Variants in ADGRL3 observed in about 807,000 individuals in gnomAD.
ADGRL3 encodes the protein calcium-independent alpha-latrotoxin receptor 3.
In ADGRL3, 62 loss-of-function variants were observed where a neutral mutation model predicts 153.5. The ratio of observed to expected loss-of-function variants is 0.40; its 90% CI spans 0.33 to 0.50. The LOEUF (loss-of-function observed/expected upper bound fraction) is 0.50. Ranked by LOEUF, ADGRL3 falls within the 20% of genes least tolerant of loss-of-function variation. ADGRL3 has a pLI of 0.47. For missense variants in ADGRL3, 1,641 were observed against 1,859.4 expected (o/e 0.88, Z 2.16); for synonymous variants, 710 against 672.5 (o/e 1.06, Z -0.86).
intron 2 of ADGRL3, among the ~76,000 whole-genome samples, chr4:61,478,520 G>A (rs1409575776): frequency 2.0e-5 from 3 of 152,036 alleles, no homozygotes; most frequent in African/African-American, 7.2e-5. Flanking sequence ...TAGATTAACT[G>A]TTTTAATCAC....
chr4:61,208,720 G>A (rs1311647311), intron 1 of ADGRL3, among the ~76,000 whole-genome samples: 1 of 152,116 alleles, frequency 6.6e-6, no homozygotes, highest in Non-Finnish European at 1.5e-5. Flanking sequence ...GAATGTGAAT[G>A]CCCAATTAAA....
intron 1 of ADGRL3, among the ~76,000 whole-genome samples, chr4:61,354,580 G>GTA (rs1346751906): frequency 6.6e-6 from 1 of 150,960 alleles, no homozygotes; most frequent in African/African-American, 2.5e-5. Context: ...TTGTCTGTGT[G>GTA]TGTGTGTGTG....
chr4:61,223,627 T>A (rs969734912), intron 1 of ADGRL3, among the ~76,000 whole-genome samples: 1 of 152,222 alleles, frequency 6.6e-6, no homozygotes, highest in African/African-American at 2.4e-5. Context: ...CAACCTATAT[T>A]TGATTTTTAT....
intron 8 of ADGRL3, among the ~76,000 whole-genome samples, chr4:61,808,686 T>C (rs1485457456): frequency 6.6e-6 from 1 of 152,020 alleles, no homozygotes; most frequent in East Asian, 1.9e-4. Context: ...GCTAGGCATG[T>C]CCAATTTTCC....
At position 61,947,112 on chromosome 4, in the gene ADGRL3, A is replaced by G. The variant is rs746337427; in HGVS notation, c.2618A>G (p.Lys873Arg). The stretch of plus-strand genomic sequence containing the variant: ...GCTGATCCTGTGGTATTTACTGTTA[A>G]ACATATCAAGGTAAGAAAATGGCAT... ...YLADPVVFTVKHIKQSEENFN... is the reference protein window; with the variant it reads ...YLADPVVFTVRHIKQSEENFN... Residue 873 changes from lysine (K) to arginine (R), a missense_variant, in exon 16 of 27, where the codon AAA becomes AGA. By Grantham distance (26) the Lys-to-Arg change is conservative (BLOSUM62 2). Coordinates refer to ENST00000683033, the MANE Select transcript of ADGRL3 (RefSeq NM_001387552.1). 141 of 1,613,082 alleles carry G rather than the reference A, an allele frequency of 8.7e-5. No individual in the cohort carries two copies. Among genetic ancestry groups the G allele is most frequent in the Non-Finnish European group, 1.1e-4 (135 of 1,179,260 alleles).
chr4:61,895,599 T>C (rs967065264), intron 10 of ADGRL3, 132 bp from the exon 11 acceptor site: 11 of 529,834 alleles, frequency 2.1e-5, no homozygotes, highest in Middle Eastern at 3.5e-4. Flanking sequence ...TTACTGGCAC[T>C]GTATCTGGTG....
At chr4:61,358,882 C>G (rs1247689152) in intron 1 of ADGRL3, among the ~76,000 whole-genome samples, 2 of 152,064 alleles carry the variant, frequency 1.3e-5, no homozygotes, top group Non-Finnish European at 1.5e-5. Context: ...ACCTCTAGCC[C>G]AAATGTTCCA....
chr4:61,758,815 A>T (rs1027597138), intron 8 of ADGRL3, among the ~76,000 whole-genome samples: 9 of 152,144 alleles, frequency 5.9e-5, no homozygotes, highest in African/African-American at 1.7e-4. Flanking sequence ...CAGTGGCTGG[A>T]ACCGCTTGTT....
intron 17 of ADGRL3, among the ~76,000 whole-genome samples, chr4:61,954,553 C>T (rs2098958982): frequency 6.6e-6 from 1 of 152,000 alleles, no homozygotes. Flanking sequence ...GACTCCTTAT[C>T]TCAGTAAGAG....
intron 1 of ADGRL3, among the ~76,000 whole-genome samples, chr4:61,338,463 G>A (rs2095733968): frequency 6.6e-6 from 1 of 151,946 alleles, no homozygotes; most frequent in Non-Finnish European, 1.5e-5. Flanking sequence ...AGGTGTTATG[G>A]TGGCACAGGG....
At chr4:61,346,256 C>G (rs2095902589) in intron 1 of ADGRL3, among the ~76,000 whole-genome samples, 1 of 151,632 alleles carries the variant, frequency 6.6e-6, no homozygotes, top group Admixed American at 6.6e-5. Flanking sequence ...CTCTCTCTCT[C>G]TCTCTTTCTC....
At chr4:61,417,207 A>G (rs1209908407) in intron 2 of ADGRL3, among the ~76,000 whole-genome samples, 1 of 152,046 alleles carries the variant, frequency 6.6e-6, no homozygotes, top group Non-Finnish European at 1.5e-5. Context: ...ATAATTGACA[A>G]ACAAGACCGG....
chr4:61,221,782 G>A (rs1355966600), intron 1 of ADGRL3, among the ~76,000 whole-genome samples: 2 of 152,058 alleles, frequency 1.3e-5, no homozygotes, highest in Non-Finnish European at 2.9e-5. Context: ...TTGTGCAATT[G>A]TTGTAGCAAA....
At chr4:61,443,962 G>T (rs1276688920) in intron 2 of ADGRL3, among the ~76,000 whole-genome samples, 1 of 152,142 alleles carries the variant, frequency 6.6e-6, no homozygotes, top group African/African-American at 2.4e-5. Context: ...GCCTGAATCA[G>T]TGTGTAGTAT....
intron 3 of ADGRL3, among the ~76,000 whole-genome samples, chr4:61,513,631 A>G (rs550326663): frequency 6.6e-6 from 1 of 152,324 alleles, no homozygotes; most frequent in African/African-American, 2.4e-5. Flanking sequence ...CTGGATATGA[A>G]TCAAATATAA....
intron 21 of ADGRL3, among the ~76,000 whole-genome samples, chr4:62,005,357 C>T (rs1439269276): frequency 6.6e-6 from 1 of 152,034 alleles, no homozygotes; most frequent in Non-Finnish European, 1.5e-5. Context: ...CATATTTTGT[C>T]GACTGGAAGC....
At position 61,713,041 on chromosome 4, in the gene ADGRL3, G is replaced by A. The variant is rs574464217; in HGVS notation, c.584-17581G>A. On this transcript the variant is annotated intron_variant, in intron 6 of 26. Transcript: ENST00000683033. ...TTGCAGCTGCAGCAACGAATTCTGT[G>A]CATTAAAAAGTAATTGCATAAATAT... Among the ~76,000 whole-genome samples the A allele has an allele frequency of 4.6e-5, 7 of 152,208 alleles. 1 individual carries two copies. In the South Asian group the frequency reaches 1.4e-3, roughly 31 times the overall value.
chr4:61,481,305 T>C (rs1009615401), intron 2 of ADGRL3, among the ~76,000 whole-genome samples: 1 of 152,122 alleles, frequency 6.6e-6, no homozygotes, highest in Admixed American at 6.6e-5. Flanking sequence ...GTCAGGATGG[T>C]GTTCTGTAAA....
intron 9 of ADGRL3, among the ~76,000 whole-genome samples, chr4:61,884,779 C>G (rs1422941132): frequency 6.6e-6 from 1 of 151,832 alleles, no homozygotes; most frequent in Non-Finnish European, 1.5e-5. Flanking sequence ...CGCCTGCCAC[C>G]ACGCCCGGCT....
Sources: gnomAD v4.1 joint callset for allele counts (sites outside exome capture counted in the v4.1 genomes callset) on GRCh38, gnomAD v4.1.1 for gene constraint, MANE v1.5 for transcripts, NCBI Gene and HGNC (gene_info 2026-07-23, HGNC 2026-07-21) for gene names.